The following TNRC6C variants were observed in gnomAD, a reference collection of about 807,000 sequenced individuals.
TNRC6C encodes the protein trinucleotide repeat containing adaptor 6C.
In TNRC6C, 20 loss-of-function variants were observed where a neutral mutation model predicts 153.7. The ratio of observed to expected loss-of-function variants is 0.13; its 90% confidence interval spans 0.09 to 0.19. TNRC6C has a LOEUF of 0.19. Among genes scored for constraint, TNRC6C ranks in the 10% least tolerant of loss-of-function variants. The pLI, the probability that TNRC6C is intolerant of heterozygous loss-of-function variation, is 1.00. For missense variants in TNRC6C, 1,987 were observed against 2,172.0 expected (o/e 0.91, Z 1.69); for synonymous variants, 811 against 841.4 (o/e 0.96, Z 0.63).
intron 1 of TNRC6C, among the ~76,000 whole-genome samples, chr17:77,983,884 T>A: frequency 6.6e-6 from 1 of 152,208 alleles, no homozygotes; most frequent in East Asian, 1.9e-4. Context: ...AGCCAGTGAT[T>A]AATACAATGT....
chr17:78,050,293 A>G, exon 3 of TNRC6C: 1 of 1,557,778 alleles, frequency 6.4e-7, no homozygotes, highest in Non-Finnish European at 8.7e-7. Context: ...TGAAGGAAGC[A>G]CTGGGAGGGA....
At chr17:78,091,310 G>C in intron 13 of TNRC6C, 130 bp from the exon 16 acceptor site, 2 of 1,094,160 alleles carry the variant, frequency 1.8e-6, no homozygotes, top group Non-Finnish European at 2.4e-6. Context: ...TGGGCATCAA[G>C]AGCAAGACTC....
At chr17:78,088,959 CTTTTTT>C (rs59304499) in intron 13 of TNRC6C, among the ~76,000 whole-genome samples, 1 of 86,696 alleles carries the variant, frequency 1.2e-5, no homozygotes, top group Non-Finnish European at 2.4e-5. Flanking sequence ...CTTATCGTTA[CTTTTTT>C]TTTTTTTTTT....
At chr17:77,968,173 C>T (rs1193132534) in intron 1 of TNRC6C, among the ~76,000 whole-genome samples, 4 of 152,218 alleles carry the variant, frequency 2.6e-5, no homozygotes. Flanking sequence ...GGCGGGATTA[C>T]AGGTGCCTGC....
intron 1 of TNRC6C, among the ~76,000 whole-genome samples, chr17:77,979,912 A>G (rs752749918): frequency 2.2e-4 from 34 of 152,366 alleles, no homozygotes; most frequent in Middle Eastern, 3.4e-3. Context: ...CAGTGGAACG[A>G]TATCTTCAAA....
chr17:77,969,764 G>A (rs867763368), intron 1 of TNRC6C, among the ~76,000 whole-genome samples: 2 of 151,742 alleles, frequency 1.3e-5, no homozygotes, highest in African/African-American at 4.8e-5. Context: ...GAGATCTCAC[G>A]GATTCCTTTA....
At chr17:78,033,930 C>T (rs1056321728) in intron 2 of TNRC6C, among the ~76,000 whole-genome samples, 3 of 152,190 alleles carry the variant, frequency 2.0e-5, no homozygotes, top group African/African-American at 7.2e-5. Context: ...CGAGGGGTCC[C>T]CTCACAAACC....
intron 2 of TNRC6C, among the ~76,000 whole-genome samples, chr17:78,034,728 G>C (rs1486416175): frequency 6.6e-6 from 1 of 152,174 alleles, no homozygotes; most frequent in East Asian, 1.9e-4. Context: ...CCAGCACTTT[G>C]AAGCCCTGGG....
chr17:77,986,460 A>G (rs139113482), intron 1 of TNRC6C, among the ~76,000 whole-genome samples: 1 of 152,146 alleles, frequency 6.6e-6, no homozygotes, highest in African/African-American at 2.4e-5. Flanking sequence ...TCACTGAAAG[A>G]GGGAAAAAAT....
intron 3 of TNRC6C, among the ~76,000 whole-genome samples, chr17:78,061,156 G>A (rs2072760697): frequency 6.6e-6 from 1 of 152,130 alleles, no homozygotes; most frequent in Admixed American, 6.5e-5. Context: ...CCATAGTACG[G>A]AAATATTCTG....
At chr17:78,051,174 C>A in exon 3 of TNRC6C, 1 of 1,577,564 alleles carries the variant, frequency 6.3e-7, no homozygotes, top group Non-Finnish European at 8.6e-7. Flanking sequence ...AGAAGGACAG[C>A]AGTGAAGCAA....
Position 78,103,571 on chromosome 17 carries a change from C to T in TNRC6C, c.4712+18C>T, listed in dbSNP as rs2073635087. 6.2e-7 allele frequency: 1 copy of T among 1,613,642 alleles called. No individual in the cohort carries two copies. Among genetic ancestry groups the T allele is most frequent in the Non-Finnish European group, 8.5e-7 (1 of 1,179,784 alleles). The stretch of plus-strand genomic sequence containing the variant: ...CTGCACATGTATGTTTTCTCACAGC[C>T]ACCTCAGCGCTCCAAGTAGCTCCCC... On this transcript the variant is annotated intron_variant, in intron 19 of 19. Transcript: ENST00000301624.
chr17:78,076,817 C>G (rs1387026836), intron 8 of TNRC6C, among the ~76,000 whole-genome samples: 1 of 152,172 alleles, frequency 6.6e-6, no homozygotes, highest in Non-Finnish European at 1.5e-5. Context: ...GGAATTCAAC[C>G]TAATGTACAC....
intron 1 of TNRC6C, among the ~76,000 whole-genome samples, chr17:77,975,106 A>C (rs564468329): frequency 6.6e-6 from 1 of 152,212 alleles, no homozygotes; most frequent in African/African-American, 2.4e-5. Flanking sequence ...TTTAAGTCTC[A>C]TGTATGGGGG....
chr17:78,088,822 C>G (rs896678173), intron 13 of TNRC6C, among the ~76,000 whole-genome samples: 19 of 152,034 alleles, frequency 1.2e-4, no homozygotes, highest in African/African-American at 4.6e-4. Context: ...TGTAAAATGT[C>G]AGCTACTTAT....
chr17:77,962,521 A>T (rs2070869569), intron 1 of TNRC6C, among the ~76,000 whole-genome samples: 1 of 152,244 alleles, frequency 6.6e-6, no homozygotes, highest in Non-Finnish European at 1.5e-5. Context: ...TGGAGAAGGC[A>T]CAAGAAATGG....
At chr17:78,047,956 C>A (rs2072442886) in intron 2 of TNRC6C, among the ~76,000 whole-genome samples, 2 of 152,072 alleles carry the variant, frequency 1.3e-5, no homozygotes, top group African/African-American at 4.8e-5. Context: ...ACAGGGGATT[C>A]TTTAAAAGGA....
At chr17:77,966,944 G>A (rs1479998128) in intron 1 of TNRC6C, among the ~76,000 whole-genome samples, 1 of 152,132 alleles carries the variant, frequency 6.6e-6, no homozygotes, top group African/African-American at 2.4e-5. Context: ...AAATAGAATA[G>A]CAGCATTAGT....
rs2072521378 is a variant in TNRC6C at position 78,051,089 on chromosome 17, T to G, written c.2027T>G (p.Val676Gly). Residue 676 changes from valine (V) to glycine (G), a missense_variant, in exon 3 of 20, where the codon GTG becomes GGG. Physicochemically the swap from Val to Gly is moderately radical, Grantham distance 109. This residue lies in a region of TNRC6C where 1,052 missense variants were observed against 1,017.0 expected (regional missense o/e 1.03). Coordinates refer to ENST00000301624, the Ensembl canonical transcript of TNRC6C. ...GCTAGCAAACCCCAAGACAACAATG[T>G]GAGTAACTGGGGAGGAGCTGCTTCT... 5 of 1,599,094 alleles carry G rather than the reference T, an allele frequency of 3.1e-6. No individual in the cohort carries two copies. In the Middle Eastern group the frequency reaches 5.0e-4, roughly 159 times the overall value.
Sources: gnomAD v4.1 joint callset for allele counts (sites outside exome capture counted in the v4.1 genomes callset) on GRCh38, gnomAD v4.1.1 for gene constraint, gnomAD v4.1.1 regional missense constraint, MANE v1.5 for transcripts, NCBI Gene and HGNC (gene_info 2026-07-23, HGNC 2026-07-21) for gene names.